The following WASF3 variants were observed in gnomAD, a reference collection of about 807,000 sequenced individuals.
The protein encoded by WASF3 is WASP family member 3.
A neutral mutation model predicts 46.6 loss-of-function variants in WASF3; 11 were observed. That is an observed-to-expected ratio of 0.24 (90% CI 0.15 to 0.39). The LOEUF (loss-of-function observed/expected upper bound fraction) is 0.39, where lower values mean the gene tolerates loss of function less well. Among genes scored for constraint, WASF3 ranks in the 10% least tolerant of loss-of-function variants. WASF3 has a pLI of 1.00. For missense variants in WASF3, 576 were observed against 669.8 expected, an observed-to-expected ratio of 0.86 and a Z score of 1.55; for synonymous variants, 242 against 259.7, an observed-to-expected ratio of 0.93 and a Z score of 0.65.
intron 5 of WASF3, among the ~76,000 whole-genome samples, chr13:26,668,873 ATATTT>A (rs1318726087): frequency 6.6e-6 from 1 of 152,216 alleles, no homozygotes; most frequent in African/African-American, 2.4e-5. Flanking sequence ...TATGAGCCAA[ATATTT>A]TAATTTATGG....
Position 26,635,641 on chromosome 13 carries a change from C to T in WASF3, c.-10-6620C>T, listed in dbSNP as rs530079690. On this transcript the variant is annotated intron_variant, in intron 2 of 9. Transcript: ENST00000335327. ...CTTTGTGGTTTTATCTACCTTTGGT[C>T]TTTGATGTTGGTGACCTACAGATGG... Among the ~76,000 whole-genome samples the T allele has an allele frequency of 2.0e-5, 3 of 152,344 alleles. No individual in the cohort carries two copies. In the South Asian group the frequency reaches 6.2e-4, roughly 32 times the overall value.
intron 1 of WASF3, among the ~76,000 whole-genome samples, chr13:26,607,639 G>GTTT (rs376544806): frequency 3.4e-5 from 5 of 146,972 alleles, no homozygotes; most frequent in Non-Finnish European, 6.0e-5. Context: ...TTTTTGTTTT[G>GTTT]TTTTTTTTTT....
At chr13:26,577,254 G>A (rs574021683) in intron 1 of WASF3, 186 of 737,394 alleles carry the variant, frequency 2.5e-4, no homozygotes, top group East Asian at 1.1e-3. Context: ...TAAAGCTCAT[G>A]TTGATGTCAG....
the WASF3 span, among the ~76,000 whole-genome samples, chr13:26,550,011 T>C: frequency 6.6e-6 from 1 of 152,202 alleles, no homozygotes; most frequent in Non-Finnish European, 1.5e-5. Flanking sequence ...CAAGAGAGTG[T>C]TGTACATTTC....
At chr13:26,615,648 C>T (rs995623806) in intron 2 of WASF3, among the ~76,000 whole-genome samples, 15 of 152,164 alleles carry the variant, frequency 9.9e-5, no homozygotes, top group Non-Finnish European at 2.2e-4. Flanking sequence ...GAATAATTGA[C>T]ATACAGTAAA....
At chr13:26,659,772 G>A (rs1437151744) in intron 3 of WASF3, among the ~76,000 whole-genome samples, 1 of 152,132 alleles carries the variant, frequency 6.6e-6, no homozygotes, top group East Asian at 1.9e-4. Context: ...TTGAGAGATG[G>A]CAAGGATGAC....
chr13:26,598,251 G>T (rs1880535196), intron 1 of WASF3, among the ~76,000 whole-genome samples: 1 of 152,212 alleles, frequency 6.6e-6, no homozygotes, highest in African/African-American at 2.4e-5. Context: ...TCTTTTGGCT[G>T]CATAAATGTC....
chr13:26,558,286 G>A (rs892317400), intron 1 of WASF3, among the ~76,000 whole-genome samples: 1 of 151,988 alleles, frequency 6.6e-6, no homozygotes, highest in Non-Finnish European at 1.5e-5. Context: ...CCAGCTCCGC[G>A]TGCCCCCCGG....
chr13:26,563,575 A>G (rs1333037663), intron 1 of WASF3, among the ~76,000 whole-genome samples: 1 of 143,936 alleles, frequency 6.9e-6, no homozygotes, highest in African/African-American at 2.6e-5. Flanking sequence ...GAATTGCTTG[A>G]ACCCGGGAGG....
the WASF3 span, among the ~76,000 whole-genome samples, chr13:26,551,290 T>C: frequency 1.3e-5 from 2 of 152,186 alleles, no homozygotes; most frequent in Non-Finnish European, 2.9e-5. Flanking sequence ...AGGTAGTTCT[T>C]TATAGCAGCA....
intron 5 of WASF3, among the ~76,000 whole-genome samples, chr13:26,668,161 C>T (rs1358837551): frequency 6.6e-6 from 1 of 152,164 alleles, no homozygotes; most frequent in Non-Finnish European, 1.5e-5. Flanking sequence ...CCTTCTGTTA[C>T]TGGAAAATGG....
At chr13:26,554,107 CTTTCTTTCTTTCTTT>C (rs1879042430), upstream of WASF3, among the ~76,000 whole-genome samples, 4 of 118,608 alleles carry the variant, frequency 3.4e-5, no homozygotes, top group African/African-American at 1.4e-4. Context: ...TTCTTTCTTT[CTTTCTTTCTTTCTTT>C]CTTTCTTTCT....
chr13:26,620,676 C>T (rs4769507), intron 2 of WASF3: 75,665 of 151,920 alleles, frequency 0.5, 19,055 homozygotes, highest in East Asian at 0.62. Context: ...ACTTTTACTC[C>T]GAGATTTCTT....
intron 2 of WASF3, among the ~76,000 whole-genome samples, chr13:26,629,036 G>A (rs189961903): frequency 5.9e-5 from 9 of 152,352 alleles, no homozygotes; most frequent in Admixed American, 5.2e-4. Flanking sequence ...CCCGCGTTGG[G>A]TGGTTTGATA....
rs1223316181 is a variant in WASF3, at chr13:26,685,774, C to A, written c.1438C>A (p.Arg480=). 2.5e-6 allele frequency: 4 copies of A among 1,613,328 alleles called. No homozygotes were observed. Among genetic ancestry groups the A allele is most frequent in the Middle Eastern group, 3.3e-4 (2 of 6,058 alleles). Residue 480 remains arginine (R), a synonymous_variant, in exon 10 of 10, where the codon CGG becomes AGG. Transcript: ENST00000335327. ...VGNDVATILS[R]RIAVEYSDSD... is the part of the protein sequence containing the mutation. ...GAATGACGTGGCCACGATCCTGTCC[C>A]GGCGCATTGCCGTGGAGTACAGCGA...
intron 2 of WASF3, among the ~76,000 whole-genome samples, chr13:26,613,725 G>A (rs775358953): frequency 2.6e-5 from 4 of 152,118 alleles, no homozygotes; most frequent in East Asian, 1.9e-4. Flanking sequence ...AGCCGAGATC[G>A]TGCCACTGCA....
At chr13:26,652,643 T>C (rs1486674773) in intron 3 of WASF3, among the ~76,000 whole-genome samples, 1 of 152,178 alleles carries the variant, frequency 6.6e-6, no homozygotes, top group African/African-American at 2.4e-5. Context: ...AAGATTAATA[T>C]ACAGAGAGTG....
At chr13:26,657,027 A>G (rs1276549638) in intron 3 of WASF3, among the ~76,000 whole-genome samples, 6 of 152,216 alleles carry the variant, frequency 3.9e-5, no homozygotes, top group Admixed American at 1.3e-4. Context: ...TCCCAACTAC[A>G]TAATACAATC....
intron 3 of WASF3, 52 bp from the exon 4 acceptor site, chr13:26,664,976 C>G: frequency 6.3e-7 from 1 of 1,593,196 alleles, no homozygotes; most frequent in Non-Finnish European, 8.6e-7. Context: ...GTGTGAGGGC[C>G]GCTTCATCAG....
Sources: gnomAD v4.1 joint callset for allele counts (sites outside exome capture counted in the v4.1 genomes callset) on GRCh38, gnomAD v4.1.1 for gene constraint, MANE v1.5 for transcripts, NCBI Gene and HGNC (gene_info 2026-07-23, HGNC 2026-07-21) for gene names.